The following KIF1B variants were observed in gnomAD, a reference collection of about 807,000 sequenced individuals.
KIF1B encodes the protein kinesin family member 1B.
Under a neutral mutation model 241.9 loss-of-function variants are expected in KIF1B, and 76 were observed. The ratio of observed to expected loss-of-function variants is 0.31; its 90% CI spans 0.26 to 0.38. The LOEUF (loss-of-function observed/expected upper bound fraction) is 0.38, where lower values mean the gene tolerates loss of function less well. KIF1B is among the 10% of genes least tolerant of loss of function. The pLI is 1.00. For synonymous variants in KIF1B, 750 were observed against 796.7 expected (o/e 0.94, Z 0.99); for missense variants, 1,622 against 2,271.4 (o/e 0.71, Z 5.81).
chr1:10,260,967 A>ATT (rs199676214), intron 4 of KIF1B, among the ~76,000 whole-genome samples: 1 of 148,028 alleles, frequency 6.8e-6, no homozygotes. Context: ...GTATTTTTTA[A>ATT]TTTTTTTTTT....
chr1:10,365,065 T>G lies in KIF1B; in HGVS notation c.4367-35T>G. The G allele has an allele frequency of 6.2e-7, 1 of 1,607,798 alleles. No individual in the cohort carries two copies. The highest frequency in any genetic ancestry group is 8.5e-7 in the Non-Finnish European group (1 of 1,176,024). ...GACCTAAACTTGGAATTGAATTTTT[T>G]TTCTGAAACAAAAACTTGTTTCCTC... On this transcript the variant is annotated intron_variant, in intron 41 of 48. Coordinates refer to ENST00000676179, the MANE Select transcript of KIF1B (RefSeq NM_001365951.3). The surrounding 1 kb of genome is among the most constrained non-coding windows in gnomAD (Gnocchi z 4.0).
intron 23 of KIF1B, 118 bp from the exon 24 acceptor site, chr1:10,321,591 C>G (rs1052207125): frequency 1.3e-5 from 14 of 1,058,522 alleles, no homozygotes; most frequent in Admixed American, 1.3e-4. Flanking sequence ...ACAAAAGCAG[C>G]TGAATGGAGA....
intron 38 of KIF1B, among the ~76,000 whole-genome samples, chr1:10,358,995 G>A (rs1290539393): frequency 2.0e-5 from 3 of 152,128 alleles, no homozygotes; most frequent in South Asian, 2.1e-4. Context: ...CACACTCACT[G>A]CCTCAAAGAC....
intron 44 of KIF1B, among the ~76,000 whole-genome samples, chr1:10,369,957 A>G (rs898732129): frequency 1.6e-4 from 23 of 144,920 alleles, no homozygotes; most frequent in African/African-American, 5.7e-4. Flanking sequence ...AAACAAAAAA[A>G]CCCCCAAAAT....
At chr1:10,226,764 C>T (rs1030501059) in intron 1 of KIF1B, among the ~76,000 whole-genome samples, 8 of 152,100 alleles carry the variant, frequency 5.3e-5, no homozygotes, top group African/African-American at 7.2e-5. Flanking sequence ...TCCAGGAGTT[C>T]GAGACCAGCC....
At position 10,361,591 on chromosome 1, in the gene KIF1B, G is replaced by T. The variant is rs760696711; in HGVS notation, c.4171-101G>T. The T allele has an allele frequency of 5.4e-4, 786 of 1,445,460 alleles. 2 individuals carry two copies. The highest frequency in any genetic ancestry group is 7.2e-4 in the Non-Finnish European group (744 of 1,039,114). 89.5% of individuals were successfully genotyped at this position (1,445,460 alleles called of 1,614,324 possible). A position where few individuals can be genotyped will look rare whatever the true frequency, so the allele number is the denominator to read the frequency against. On this transcript the variant is annotated intron_variant, in intron 39 of 48. Transcript: ENST00000676179. The stretch of plus-strand genomic sequence containing the variant: ...TAATTGGTGGAGCTAAAATCCTTCA[G>T]TTCTCACAACTGGGACTCGCTTTCC...
At chr1:10,281,399 A>AT (rs889253811) in intron 14 of KIF1B, among the ~76,000 whole-genome samples, 7 of 151,876 alleles carry the variant, frequency 4.6e-5, no homozygotes, top group Admixed American at 2.6e-4. Context: ...TTGTGGCTTA[A>AT]TTTTTTTTTC....
chr1:10,297,244 C>T lies in KIF1B; in HGVS notation c.2113C>T (p.Leu705=). 1 of 1,611,308 alleles carries T rather than the reference C, an allele frequency of 6.2e-7. No individual in the cohort carries two copies. Among genetic ancestry groups the T allele is most frequent in the South Asian group, 1.1e-5 (1 of 91,002 alleles). ...EADLLLEQQR[L]DYESKLQALQ... ...AGATCTTCTTTTGGAGCAGCAGAGACTGGTAGGAGTCCTGAATCTGCTAAA... is the reference window on the plus strand; with the variant it reads ...AGATCTTCTTTTGGAGCAGCAGAGATTGGTAGGAGTCCTGAATCTGCTAAA... Residue 705 remains leucine, a splice_region_variant and synonymous_variant, in exon 22 of 49, where the codon CTG becomes TTG. Coordinates refer to ENST00000676179, the MANE Select transcript of KIF1B (RefSeq NM_001365951.3).
intron 2 of KIF1B, among the ~76,000 whole-genome samples, chr1:10,250,776 T>C (rs530410890): frequency 1.3e-5 from 2 of 152,280 alleles, no homozygotes; most frequent in African/African-American, 4.8e-5. Flanking sequence ...CAGTAAGCCA[T>C]GATTGAGCCA....
chr1:10,323,807 G>T, intron 24 of KIF1B, 77 bp from the exon 25 acceptor site: 4 of 1,200,876 alleles, frequency 3.3e-6, no homozygotes, highest in Non-Finnish European at 5.0e-6. Context: ...CTTTCCCATT[G>T]GGTATGATTG....
intron 2 of KIF1B, among the ~76,000 whole-genome samples, chr1:10,252,399 T>C (rs988312356): frequency 1.3e-5 from 2 of 151,670 alleles, no homozygotes; most frequent in African/African-American, 4.8e-5. Context: ...GTTGTTGTTG[T>C]TGTTGTTGTT....
chr1:10,267,086 C>T (rs926627487), intron 5 of KIF1B, among the ~76,000 whole-genome samples: 8 of 151,706 alleles, frequency 5.3e-5, no homozygotes, highest in Non-Finnish European at 7.4e-5. Flanking sequence ...GGTGTGATAT[C>T]GGCTCACTCT....
intron 10 of KIF1B, 24 bp downstream of exon 10, chr1:10,273,055 A>C (rs1287207370): frequency 2.6e-6 from 4 of 1,527,392 alleles, no homozygotes; most frequent in Non-Finnish European, 3.5e-6. Context: ...TGGTAGAGAT[A>C]AACTAGAATT....
At chr1:10,226,032 A>T (rs1646904477) in intron 1 of KIF1B, among the ~76,000 whole-genome samples, 1 of 152,148 alleles carries the variant, frequency 6.6e-6, no homozygotes, top group African/African-American at 2.4e-5. Flanking sequence ...GAAAATGGGG[A>T]TATTGTGTAG....
chr1:10,300,648 G>A lies in KIF1B; in HGVS notation c.2115+3402G>A, dbSNP rs564833079. On this transcript the variant is annotated intron_variant, in intron 22 of 48. Coordinates refer to ENST00000676179, the MANE Select transcript of KIF1B (RefSeq NM_001365951.3). ...AAAGAAAAACAGCCAGAAAAAAAGT[G>A]ATAGTTGTTGGTTATGTGGGAAAGA... Among the ~76,000 whole-genome samples, 7 of 152,270 alleles carry A rather than the reference G, an allele frequency of 4.6e-5. 2 individuals are homozygous for A. The highest frequency in any genetic ancestry group is 1.7e-4 in the African/African-American group (7 of 41,566).
At chr1:10,221,804 CTG>C (rs1157344789) in intron 1 of KIF1B, among the ~76,000 whole-genome samples, 2 of 152,190 alleles carry the variant, frequency 1.3e-5, no homozygotes, top group Non-Finnish European at 2.9e-5. Flanking sequence ...GTATAACAAA[CTG>C]TGCTAATATT....
At chr1:10,239,805 AC>A (rs1647109434) in intron 2 of KIF1B, among the ~76,000 whole-genome samples, 1 of 145,098 alleles carries the variant, frequency 6.9e-6, no homozygotes, top group Admixed American at 6.9e-5. Context: ...TTGCTCTGTC[AC>A]CCAGGCTGGA....
chr1:10,336,023 G>A (rs979081346), intron 28 of KIF1B, among the ~76,000 whole-genome samples: 2 of 152,122 alleles, frequency 1.3e-5, no homozygotes, highest in African/African-American at 4.8e-5. Flanking sequence ...TTGAGTATAT[G>A]GAAGTCTCCT....
At chr1:10,372,699 G>T (rs1274853845) in intron 45 of KIF1B, among the ~76,000 whole-genome samples, 1 of 136,262 alleles carries the variant, frequency 7.3e-6, no homozygotes, top group Non-Finnish European at 1.6e-5. Context: ...GCGCAATCTC[G>T]GCTCACTGCA....
Sources: gnomAD v4.1 joint callset for allele counts (sites outside exome capture counted in the v4.1 genomes callset) on GRCh38, gnomAD v4.1.1 for gene constraint, Gnocchi (gnomAD v3.1) non-coding constraint, MANE v1.5 for transcripts, NCBI Gene and HGNC (gene_info 2026-07-23, HGNC 2026-07-21) for gene names.